KMT2C: variants seen among roughly 807,000 people sequenced by gnomAD.
The protein encoded by KMT2C is lysine methyltransferase 2C, also known as histone-lysine N-methyltransferase 2C.
In KMT2C, 88 loss-of-function variants were observed where a neutral mutation model predicts 507.9. The observed-to-expected ratio is 0.17, with a 90% CI of 0.15 to 0.21. KMT2C has a LOEUF of 0.21. KMT2C is among the 10% of genes least tolerant of loss of function. The probability of loss-of-function intolerance (pLI) is 1.00; values close to 1 mark genes in which losing one functional copy is unlikely to be tolerated. For synonymous variants in KMT2C, 2,049 were observed against 2,080.8 expected, an observed-to-expected ratio of 0.98 and a Z score of 0.42; for missense variants, 4,954 against 5,957.8, an observed-to-expected ratio of 0.83 and a Z score of 5.55.
rs924569769 is a variant in KMT2C, at chr7:152,146,477, C to T, written c.14031+122G>A. 22 of 890,924 alleles carry T rather than the reference C, an allele frequency of 2.5e-5. No individual in the cohort carries two copies. In the African/African-American group the frequency reaches 2.7e-4, roughly 11 times the overall value. 55.2% of individuals were successfully genotyped at this position (890,924 alleles called of 1,614,324 possible). On this transcript the variant is annotated intron_variant, in intron 53 of 58. Transcript: ENST00000262189. ...CAATGCCTTATTCCTCTAAGAGAAA[C>T]GGGTTAATGCACAGGCTCAGTCACT...
intron 1 of KMT2C, among the ~76,000 whole-genome samples, chr7:152,370,309 C>A (rs180732002): frequency 1.2e-4 from 19 of 152,156 alleles, no homozygotes; most frequent in African/African-American, 4.3e-4. Context: ...CCAAAACTCA[C>A]CCAAGATGAA....
intron 1 of KMT2C, among the ~76,000 whole-genome samples, chr7:152,375,333 C>T (rs2097320368): frequency 6.6e-6 from 1 of 151,246 alleles, no homozygotes; most frequent in South Asian, 2.1e-4. Context: ...TAAGCCACCA[C>T]ACCCAGCGAG....
rs755315527 is a variant in KMT2C at position 152,180,760 on chromosome 7, G to C, written c.7100C>G (p.Thr2367Arg). Residue 2367 changes from threonine to arginine, a missense_variant, in exon 36 of 59, where the codon ACA (threonine) becomes AGA (arginine). Around this residue, in one of 29 missense-constraint regions of KMT2C, gnomAD observed 1,689 missense variants for 1,654.3 expected, o/e 1.02. Transcript: ENST00000262189. Reference protein sequence around the residue: ...GPVPTSGVTDTQNTVNMAQAD... With the variant: ...GPVPTSGVTDRQNTVNMAQAD... ...TTGGGCCATATTTACAGTATTCTGT[G>C]TATCAGTTACTCCTGAAGTTGGCAC... 5.0e-6 allele frequency: 8 copies of C among 1,614,128 alleles called. No individual in the cohort carries two copies. The highest frequency in any genetic ancestry group is 1.1e-5 in the South Asian group (1 of 91,090).
intron 23 of KMT2C, among the ~76,000 whole-genome samples, chr7:152,208,585 CTTAGAGAATGCTATT>C (rs1200056851): frequency 5.3e-5 from 8 of 152,236 alleles, no homozygotes; most frequent in Admixed American, 2.6e-4. Flanking sequence ...AAATGGAATG[CTTAGAGAATGCTATT>C]TTAGAGAATG....
chr7:152,164,480 G>A (rs1053409749), intron 42 of KMT2C, among the ~76,000 whole-genome samples: 1 of 151,656 alleles, frequency 6.6e-6, no homozygotes, highest in Non-Finnish European at 1.5e-5. Flanking sequence ...TAGTAGAGAC[G>A]GGGTTTCACC....
At chr7:152,230,454 A>G (rs918489122) in intron 16 of KMT2C, 133 bp from the exon 17 acceptor site, 101 of 482,634 alleles carry the variant, frequency 2.1e-4, no homozygotes, top group Non-Finnish European at 3.3e-4. Context: ...TCCAAATATT[A>G]ATGCTAAGAT....
Position 152,144,776 on chromosome 7 carries a change from C to T in KMT2C, c.14280G>A (p.Ser4760=), listed in dbSNP as rs924742192. The T allele has an allele frequency of 1.1e-5, 18 of 1,613,978 alleles. No homozygotes were observed. The Admixed American group carries it at 1.3e-4, about 12-fold the overall frequency. Residue 4760 remains serine (S), a synonymous_variant, in exon 55 of 59, where the codon TCG becomes TCA. Transcript: ENST00000262189. This position sits in a 1 kb window ranked among gnomAD's most constrained non-coding sequence, Gnocchi z 4.4. ...YSKQFVHSKS[S]QYRKMKTEWK... Reference sequence around the variant, plus strand: ...ATTCAGTTTTCATCTTCCGGTACTGCGATGACTTGGAGTGAACAAACTGTT... The same window carrying T: ...ATTCAGTTTTCATCTTCCGGTACTGTGATGACTTGGAGTGAACAAACTGTT...
At chr7:152,387,048 G>C (rs2097435308) in intron 1 of KMT2C, among the ~76,000 whole-genome samples, 1 of 152,054 alleles carries the variant, frequency 6.6e-6, no homozygotes, top group African/African-American at 2.4e-5. Flanking sequence ...AAAGTAAAAA[G>C]ATATAAATAG....
chr7:152,198,843 C>A lies in KMT2C; in HGVS notation c.4273+436G>T, dbSNP rs998861845. ...GGTGCAAACTGTCAGCAGTAAGAAA[C>A]CATGACCTAGGGCAACAGACTTCAC... On this transcript the variant is annotated intron_variant, in intron 27 of 58. Transcript: ENST00000262189. 2.0e-5 allele frequency among the ~76,000 whole-genome samples: 3 copies of A among 152,114 alleles called. No homozygotes were observed. The South Asian group carries it at 6.2e-4, about 32-fold the overall frequency.
intron 23 of KMT2C, among the ~76,000 whole-genome samples, chr7:152,216,013 C>G (rs1323739303): frequency 4.6e-5 from 7 of 152,190 alleles, no homozygotes; most frequent in African/African-American, 1.7e-4. Flanking sequence ...CCTCACTCTT[C>G]CCACTCTCCA....
intron 8 of KMT2C, among the ~76,000 whole-genome samples, chr7:152,264,367 T>C (rs567013063): frequency 1.3e-5 from 2 of 152,286 alleles, no homozygotes; most frequent in South Asian, 2.1e-4. Context: ...ATTAGAATCA[T>C]GGGGGTGCAA....
intron 42 of KMT2C, among the ~76,000 whole-genome samples, chr7:152,166,183 C>T (rs1043253570): frequency 2.1e-5 from 3 of 146,238 alleles, no homozygotes; most frequent in African/African-American, 7.7e-5. Flanking sequence ...AGTACAGTGG[C>T]GCAAGCTCGG....
chr7:152,216,759 A>G (rs1312963563), intron 23 of KMT2C, among the ~76,000 whole-genome samples: 1 of 152,240 alleles, frequency 6.6e-6, no homozygotes, highest in African/African-American at 2.4e-5. Flanking sequence ...CAACACAGGC[A>G]TAATTTCTTA....
chr7:152,153,005 C>T (rs377009994), intron 48 of KMT2C, 51 bp from the exon 49 acceptor site: 2 of 1,595,968 alleles, frequency 1.3e-6, no homozygotes, highest in South Asian at 1.1e-5. Flanking sequence ...CAACAGTGAA[C>T]CACTGAAGAA....
intron 6 of KMT2C, among the ~76,000 whole-genome samples, chr7:152,295,665 C>T (rs2096485025): frequency 6.6e-6 from 1 of 152,184 alleles, no homozygotes; most frequent in Admixed American, 6.5e-5. Flanking sequence ...TTCAGATACG[C>T]ACCCTGCTCT....
rs2096875568 is a variant in KMT2C, at chr7:152,330,856, T to C, written c.251-117A>G. The stretch of plus-strand genomic sequence containing the variant: ...TAAAAAGAAACAACAAATAACAATA[T>C]TTCACTAACACAAGAAAAGTTCATG... On this transcript the variant is annotated intron_variant, in intron 2 of 58. Coordinates refer to ENST00000262189, the MANE Select transcript of KMT2C (RefSeq NM_170606.3). The C allele has an allele frequency of 1.5e-5, 14 of 951,546 alleles. No homozygotes were observed. The South Asian group carries it at 2.1e-4, about 14-fold the overall frequency. The allele number at this position is 951,546 out of a possible 1,614,324, so 58.9% of individuals were successfully genotyped here.
chr7:152,407,827 TTAA>T lies in KMT2C; in HGVS notation c.161+27796_161+27798del, dbSNP rs528562633. 1.4e-3 allele frequency among the ~76,000 whole-genome samples: 216 copies of T among 152,384 alleles called. No homozygotes were observed. In the Middle Eastern group the frequency reaches 0.017, roughly 12 times the overall value. ...CAACTATACAACTTGAGCAATGATT[TTAA>T]AACAAATATGACACTTTATATTAGA... On this transcript the variant is annotated intron_variant, in intron 1 of 58. Coordinates refer to ENST00000262189, the MANE Select transcript of KMT2C (RefSeq NM_170606.3).
chr7:152,397,530 C>T (rs1268843617), intron 1 of KMT2C, among the ~76,000 whole-genome samples: 3 of 152,128 alleles, frequency 2.0e-5, no homozygotes, highest in African/African-American at 7.2e-5. Flanking sequence ...ATATGGTCTC[C>T]TAAGTTCCCC....
At chr7:152,414,253 G>A (rs545535181) in intron 1 of KMT2C, among the ~76,000 whole-genome samples, 1 of 150,458 alleles carries the variant, frequency 6.6e-6, no homozygotes, top group African/African-American at 2.4e-5. Context: ...AGCTGGGTGT[G>A]GTGGCTGGCT....
Sources: allele counts gnomAD v4.1 joint callset (sites outside exome capture counted in the v4.1 genomes callset), GRCh38; gene constraint gnomAD v4.1.1; regional missense constraint gnomAD v4.1.1; non-coding constraint Gnocchi (gnomAD v3.1); transcripts MANE v1.5; gene names NCBI Gene and HGNC (gene_info 2026-07-23, HGNC 2026-07-21).